CHP1: variants seen among roughly 807,000 people sequenced by gnomAD.
CHP1 encodes calcineurin like EF-hand protein 1.
Under a neutral mutation model 27.4 loss-of-function variants are expected in CHP1, and 11 were observed. That is an observed-to-expected ratio of 0.40 (90% CI 0.25 to 0.67). CHP1 has a LOEUF of 0.67. Ranked by LOEUF, CHP1 falls within the 30% of genes least tolerant of loss-of-function variation. The pLI, the probability that CHP1 is intolerant of heterozygous loss-of-function variation, is 0.38. For missense variants in CHP1, 169 were observed against 251.3 expected (o/e 0.67, Z 2.22); for synonymous variants, 89 against 87.4 (o/e 1.02, Z -0.10).
intron 2 of CHP1, among the ~76,000 whole-genome samples, chr15:41,247,503 C>T (rs2047341424): frequency 6.6e-6 from 1 of 150,892 alleles, no homozygotes; most frequent in East Asian, 1.9e-4. Flanking sequence ...AACCCCGTCT[C>T]TACTAAAAAT....
chr15:41,271,518 C>A (rs1316486375), intron 5 of CHP1, among the ~76,000 whole-genome samples: 2 of 152,098 alleles, frequency 1.3e-5, no homozygotes, highest in Non-Finnish European at 2.9e-5. Context: ...TCAGTTATTG[C>A]CAAATCAGAT....
At chr15:41,236,934 A>C (rs1338411049) in intron 1 of CHP1, among the ~76,000 whole-genome samples, 1 of 149,508 alleles carries the variant, frequency 6.7e-6, no homozygotes, top group Non-Finnish European at 1.5e-5. Context: ...GGTTCAAGCC[A>C]TTCTCTTGCC....
In CHP1 at chr15:41,279,490, A is replaced by G; in HGVS notation, c.*101A>G. 3.1e-6 allele frequency: 3 copies of G among 961,660 alleles called. No homozygotes were observed. Among genetic ancestry groups the G allele is most frequent in the South Asian group, 2.8e-5 (2 of 70,818 alleles). The allele number at this position is 961,660 out of a possible 1,614,324, so 59.6% of individuals were successfully genotyped here. ...TCCACCCCCTCATTCCCCTTCTCCC[A>G]AAGTACTACTGCTGTTGCATGACAA... On this transcript the variant is annotated 3_prime_UTR_variant, in exon 7 of 7. Transcript: ENST00000334660.
intron 1 of CHP1, among the ~76,000 whole-genome samples, 161 bp from the exon 2 acceptor site, chr15:41,243,506 C>T (rs530790250): frequency 5.4e-4 from 82 of 152,294 alleles, no homozygotes; most frequent in Non-Finnish European, 8.1e-4. Flanking sequence ...TCTCTAACTC[C>T]TTTCATTCTT....
chr15:41,250,899 G>A (rs979614185), intron 2 of CHP1, among the ~76,000 whole-genome samples: 1 of 150,848 alleles, frequency 6.6e-6, no homozygotes, highest in Non-Finnish European at 1.5e-5. Context: ...GCACAATCTC[G>A]GCTCACTGCA....
At position 41,256,827 on chromosome 15, in the gene CHP1, G is replaced by T. The variant is rs1166435896; in HGVS notation, c.141-83G>T. The T allele has an allele frequency of 1.9e-5, 21 of 1,097,212 alleles. No individual in the cohort carries two copies. In the Middle Eastern group the frequency reaches 2.0e-3, roughly 103 times the overall value. 68.0% of individuals were successfully genotyped at this position (1,097,212 alleles called of 1,614,324 possible). ...TTCCAGGAGGTAATATTCTTGCTAG[G>T]TTACACCCTGTTACCTCCTGACTTA... On this transcript the variant is annotated intron_variant, in intron 2 of 6. Transcript: ENST00000334660.
chr15:41,261,416 A>G (rs1465731121), intron 3 of CHP1, among the ~76,000 whole-genome samples: 1 of 151,974 alleles, frequency 6.6e-6, no homozygotes, highest in East Asian at 1.9e-4. Flanking sequence ...TCAGCCTCCC[A>G]AAGTATTAGG....
Position 41,280,155 on chromosome 15 carries a change from C to T in CHP1, c.*766C>T, listed in dbSNP as rs1380179702. ...GGTGAGAGGTATGGAGCCAAGTCTT[C>T]TAGGTTGCTTGCCCACATCACTCTA... On this transcript the variant is annotated 3_prime_UTR_variant, in exon 7 of 7. Coordinates refer to ENST00000334660, the MANE Select transcript of CHP1 (RefSeq NM_007236.5). The T allele has an allele frequency of 6.6e-6, 1 of 152,272 alleles. No homozygotes were observed. The highest frequency in any genetic ancestry group is 2.4e-5 in the African/African-American group (1 of 41,448). 9.4% of individuals were successfully genotyped at this position (152,272 alleles called of 1,614,324 possible). A position where few individuals can be genotyped will look rare whatever the true frequency, so the allele number is the denominator to read the frequency against.
At chr15:41,266,283 C>G (rs998436581) in intron 4 of CHP1, among the ~76,000 whole-genome samples, 1 of 151,308 alleles carries the variant, frequency 6.6e-6, no homozygotes, top group Non-Finnish European at 1.5e-5. Flanking sequence ...AACTCCATCT[C>G]AAAGAATAAT....
Position 41,278,748 on chromosome 15 carries a change from C to T in CHP1, c.412-19C>T, listed in dbSNP as rs139938029. The T allele has an allele frequency of 4.0e-5, 65 of 1,613,874 alleles. No homozygotes were observed. In the African/African-American group the frequency reaches 6.7e-4, roughly 17 times the overall value. On this transcript the variant is annotated intron_variant, in intron 5 of 6. Transcript: ENST00000334660. ...CTGATTCCCAAGGCCCTTGTAATTC[C>T]TGGCTCTTGGTCTTCCAGGTGCTAC...
At chr15:41,262,380 C>G (rs988108766) in intron 3 of CHP1, among the ~76,000 whole-genome samples, 7 of 152,022 alleles carry the variant, frequency 4.6e-5, no homozygotes, top group African/African-American at 1.7e-4. Flanking sequence ...ATTGGGCTGC[C>G]TGTGGCTCGC....
chr15:41,269,172 C>T (rs1471152089), intron 4 of CHP1, among the ~76,000 whole-genome samples: 2 of 151,610 alleles, frequency 1.3e-5, no homozygotes, highest in Non-Finnish European at 2.9e-5. Context: ...TACTGCACTC[C>T]AGCCTGGGAG....
chr15:41,274,974 C>G (rs779428908), intron 5 of CHP1, among the ~76,000 whole-genome samples: 1 of 151,176 alleles, frequency 6.6e-6, no homozygotes, highest in Admixed American at 6.6e-5. Context: ...TATTCTTAGT[C>G]GAGACGGGTT....
At chr15:41,237,287 C>T (rs1475679799) in intron 1 of CHP1, among the ~76,000 whole-genome samples, 4 of 151,740 alleles carry the variant, frequency 2.6e-5, no homozygotes, top group Non-Finnish European at 5.9e-5. Flanking sequence ...GCTGGGATTA[C>T]AGGCATGTGC....
chr15:41,278,408 A>G (rs777159351), intron 5 of CHP1, among the ~76,000 whole-genome samples: 2 of 151,966 alleles, frequency 1.3e-5, no homozygotes, highest in Non-Finnish European at 1.5e-5. Context: ...TTATGTAGGT[A>G]AACTCTTGTC....
At chr15:41,241,426 A>C (rs942276298) in intron 1 of CHP1, among the ~76,000 whole-genome samples, 1 of 152,168 alleles carries the variant, frequency 6.6e-6, no homozygotes. Flanking sequence ...TTTTCCTTTC[A>C]TTGACTGGTG....
intron 5 of CHP1, among the ~76,000 whole-genome samples, chr15:41,274,790 GTTTT>G (rs34053067): frequency 8.3e-6 from 1 of 120,716 alleles, no homozygotes; most frequent in African/African-American, 3.1e-5. Flanking sequence ...CATTGTCTTT[GTTTT>G]TTTTTTTTTT....
intron 5 of CHP1, among the ~76,000 whole-genome samples, chr15:41,277,878 G>A (rs2140945156): frequency 6.6e-6 from 1 of 151,474 alleles, no homozygotes; most frequent in East Asian, 1.9e-4. Context: ...GATCACTTGA[G>A]CTTCGGAGGT....
At chr15:41,236,988 C>T (rs1480070070) in intron 1 of CHP1, among the ~76,000 whole-genome samples, 1 of 151,234 alleles carries the variant, frequency 6.6e-6, no homozygotes, top group African/African-American at 2.4e-5. Context: ...TGCCACCAGG[C>T]CTGGCTAATT....
Sources: gnomAD v4.1 joint callset for allele counts (sites outside exome capture counted in the v4.1 genomes callset) on GRCh38, gnomAD v4.1.1 for gene constraint, MANE v1.5 for transcripts, NCBI Gene and HGNC (gene_info 2026-07-23, HGNC 2026-07-21) for gene names.